SMARCAD1: variants seen among roughly 807,000 people sequenced by gnomAD.
The protein encoded by SMARCAD1 is SNF2 related chromatin remodeling ATPase with DExD box 1, also known as SWI/SNF-related matrix-associated actin-dependent regulator of chromatin subfamily A containing DEAD/H box 1.
A neutral mutation model predicts 127.1 loss-of-function variants in SMARCAD1; 25 were observed. That is an observed-to-expected ratio of 0.20 (90% CI 0.14 to 0.27). The LOEUF (loss-of-function observed/expected upper bound fraction) is 0.27, where lower values mean the gene tolerates loss of function less well. Among genes scored for constraint, SMARCAD1 ranks in the 10% least tolerant of loss-of-function variants. The pLI is 1.00. For synonymous variants in SMARCAD1, 400 were observed against 396.9 expected (o/e 1.01, Z -0.09); for missense variants, 807 against 1,206.0 (o/e 0.67, Z 4.90).
chr4:94,248,317 G>A (rs1748769148), intron 6 of SMARCAD1, among the ~76,000 whole-genome samples: 1 of 152,074 alleles, frequency 6.6e-6, no homozygotes, highest in East Asian at 1.9e-4. Context: ...ACCACAATTT[G>A]TCCATGACGC....
intron 4 of SMARCAD1, among the ~76,000 whole-genome samples, chr4:94,236,696 A>G (rs1746709256): frequency 6.6e-6 from 1 of 152,158 alleles, no homozygotes; most frequent in Non-Finnish European, 1.5e-5. Flanking sequence ...TACTGTATAT[A>G]TGTGATTGTG....
chr4:94,235,630 G>C (rs952550996), intron 4 of SMARCAD1, among the ~76,000 whole-genome samples: 3 of 146,808 alleles, frequency 2.0e-5, no homozygotes, highest in African/African-American at 7.5e-5. Context: ...TTACTTGTCT[G>C]CTAATGTGAA....
At chr4:94,262,468 T>G (rs943706866) in intron 9 of SMARCAD1, among the ~76,000 whole-genome samples, 12 of 152,194 alleles carry the variant, frequency 7.9e-5, no homozygotes, top group Non-Finnish European at 1.3e-4. Context: ...TTAATAGTTT[T>G]TTGCTCTCAA....
chr4:94,249,631 T>TC (rs1266816515), intron 6 of SMARCAD1, 23 bp from the exon 7 acceptor site: 13 of 1,250,592 alleles, frequency 1.0e-5, no homozygotes, highest in Non-Finnish European at 1.5e-5. Context: ...TAAATTGTTT[T>TC]CTTTTTTTTT....
rs1463784652 is a variant in SMARCAD1, at chr4:94,290,786, A to G, written c.*1252A>G. ...TCCATGTGTTTTGTTTTTATTATGTAAATATCATTATAAATAAACTTATTT... is the reference window on the plus strand; with the variant it reads ...TCCATGTGTTTTGTTTTTATTATGTGAATATCATTATAAATAAACTTATTT... On this transcript the variant is annotated 3_prime_UTR_variant, in exon 24 of 24. Coordinates refer to ENST00000354268, the MANE Select transcript of SMARCAD1 (RefSeq NM_020159.5). 2.3e-6 allele frequency: 1 copy of G among 430,764 alleles called. No homozygotes were observed. Among genetic ancestry groups the G allele is most frequent in the Non-Finnish European group, 4.6e-6 (1 of 218,876 alleles). The allele number at this position is 430,764 out of a possible 1,614,324, so 26.7% of individuals were successfully genotyped here.
chr4:94,278,290 T>A, intron 16 of SMARCAD1, 132 bp from the exon 17 acceptor site: 1 of 789,118 alleles, frequency 1.3e-6, no homozygotes, highest in Non-Finnish European at 2.1e-6. Context: ...AAGTGCCATC[T>A]AGAATGAATC....
intron 12 of SMARCAD1, among the ~76,000 whole-genome samples, chr4:94,274,329 TTTTA>T (rs1176863156): frequency 6.6e-6 from 1 of 152,084 alleles, no homozygotes; most frequent in African/African-American, 2.4e-5. Context: ...AATTTTTAAT[TTTTA>T]TTTATTTTTT....
intron 11 of SMARCAD1, among the ~76,000 whole-genome samples, chr4:94,272,283 T>C (rs1297537288): frequency 6.6e-6 from 1 of 152,210 alleles, no homozygotes; most frequent in African/African-American, 2.4e-5. Context: ...ACGTATGTAT[T>C]GTCAGTGGGA....
intron 15 of SMARCAD1, 141 bp from the exon 16 acceptor site, chr4:94,276,881 A>C (rs1206734478): frequency 1.1e-6 from 1 of 878,156 alleles, no homozygotes; most frequent in Non-Finnish European, 1.7e-6. Context: ...TTAAATTACT[A>C]TATCATTTAT....
Position 94,250,805 on chromosome 4 carries a change from A to T in SMARCAD1, c.861A>T (p.Glu287Asp). Residue 287 changes from glutamate to aspartate, a missense_variant, in exon 8 of 24, where the codon GAA becomes GAT. Physicochemically the swap from Glu to Asp is conservative, Grantham distance 45. Coordinates refer to ENST00000354268, the MANE Select transcript of SMARCAD1 (RefSeq NM_020159.5). ...EHEWMYTEAL[E>D]SLKVFAEDQD... The stretch of plus-strand genomic sequence containing the variant: ...AATGGATGTACACAGAAGCTTTAGA[A>T]TCTCTAAAAGTGTTTGCAGAAGACC... 1 of 1,612,620 alleles carries T rather than the reference A, an allele frequency of 6.2e-7. No individual in the cohort carries two copies. Among genetic ancestry groups the T allele is most frequent in the Non-Finnish European group, 8.5e-7 (1 of 1,179,010 alleles).
chr4:94,289,451 A>T, intron 23 of SMARCAD1, 22 bp from the exon 24 acceptor site: 1 of 1,600,242 alleles, frequency 6.2e-7, no homozygotes, highest in Non-Finnish European at 8.6e-7. Flanking sequence ...TAAAGCTTTT[A>T]ATGCTACTTT....
rs746524829 is a variant in SMARCAD1, at chr4:94,208,339, C to T, written c.-49-7C>T. 7 of 1,560,200 alleles carry T rather than the reference C, an allele frequency of 4.5e-6. No homozygotes were observed. In the South Asian group the frequency reaches 5.6e-5, roughly 12 times the overall value. On this transcript the variant is annotated splice_polypyrimidine_tract_variant and splice_region_variant and intron_variant, in intron 1 of 23. Transcript: ENST00000354268. ...CCTTTTTTCCTCTCTTTATTTTTCC[C>T]CTGCAGATAGTTCATTTAAAGCCCC...
chr4:94,290,742 C>A lies in SMARCAD1; in HGVS notation c.*1208C>A, dbSNP rs1422944796. The A allele has an allele frequency of 4.7e-6, 2 of 426,982 alleles. No homozygotes were observed. The highest frequency in any genetic ancestry group is 9.2e-6 in the Non-Finnish European group (2 of 217,104). The allele number at this position is 426,982 out of a possible 1,614,324, so 26.4% of individuals were successfully genotyped here. ...TGCTGTTTTTATTATACATCAGTTT[C>A]TTTGTATAACTTGTGAGTTCCATGT... On this transcript the variant is annotated 3_prime_UTR_variant, in exon 24 of 24. Transcript: ENST00000354268.
intron 10 of SMARCAD1, 137 bp downstream of exon 10, chr4:94,265,043 A>C: frequency 1.3e-6 from 1 of 744,642 alleles, no homozygotes; most frequent in Middle Eastern, 3.9e-4. Flanking sequence ...GTAATGGCAC[A>C]TAAGTGGACT....
At chr4:94,273,943 T>G (rs1752903071) in intron 12 of SMARCAD1, among the ~76,000 whole-genome samples, 1 of 152,226 alleles carries the variant, frequency 6.6e-6, no homozygotes. Flanking sequence ...TTTTAAAATT[T>G]TAGACCAAGG....
At chr4:94,224,686 G>T (rs974452060) in intron 2 of SMARCAD1, among the ~76,000 whole-genome samples, 2 of 152,102 alleles carry the variant, frequency 1.3e-5, no homozygotes, top group Non-Finnish European at 2.9e-5. Flanking sequence ...TTAGTGTTAC[G>T]ATTTAATGGA....
rs186893633 is a variant in SMARCAD1, at chr4:94,290,823, A to G, written c.*1289A>G. ...AAATAAACTTATTTATAAATCAAAG[A>G]TTTGTTAATTTTTGGAAATCATGCT... On this transcript the variant is annotated 3_prime_UTR_variant, in exon 24 of 24. Coordinates refer to ENST00000354268, the MANE Select transcript of SMARCAD1 (RefSeq NM_020159.5). 3.7e-5 allele frequency: 16 copies of G among 436,512 alleles called. No homozygotes were observed. Among genetic ancestry groups the G allele is most frequent in the Non-Finnish European group, 6.8e-5 (15 of 220,340 alleles). The allele number at this position is 436,512 out of a possible 1,614,324, so 27.0% of individuals were successfully genotyped here.
chr4:94,235,971 A>G (rs998379776), intron 4 of SMARCAD1, among the ~76,000 whole-genome samples: 8 of 152,140 alleles, frequency 5.3e-5, no homozygotes, highest in Non-Finnish European at 7.4e-5. Context: ...TCTTGAAGTA[A>G]TCTCTATTTC....
intron 17 of SMARCAD1, 24 bp from the exon 18 acceptor site, chr4:94,278,592 C>A: frequency 6.2e-7 from 1 of 1,612,596 alleles, no homozygotes; most frequent in South Asian, 1.1e-5. Flanking sequence ...GAATGATTAT[C>A]TTAAACTGTT....
Sources: gnomAD v4.1 joint callset for allele counts (sites outside exome capture counted in the v4.1 genomes callset) on GRCh38, gnomAD v4.1.1 for gene constraint, MANE v1.5 for transcripts, NCBI Gene and HGNC (gene_info 2026-07-23, HGNC 2026-07-21) for gene names.